The following XIRP2 variants were observed in gnomAD, a reference collection of about 807,000 sequenced individuals.
XIRP2 encodes the protein xin actin-binding repeat-containing protein 2.
Under a neutral mutation model 277.0 loss-of-function variants are expected in XIRP2, and 236 were observed. The ratio of observed to expected loss-of-function variants is 0.85; its 90% CI spans 0.77 to 0.95. XIRP2 has a LOEUF of 0.95. Among genes scored for constraint, XIRP2 ranks in the 40% least tolerant of loss-of-function variants. XIRP2 has a pLI of 0.00. For synonymous variants in XIRP2, 1,490 were observed against 1,416.5 expected, an observed-to-expected ratio of 1.05 and a Z score of -1.17; for missense variants, 4,640 against 4,157.5, an observed-to-expected ratio of 1.12 and a Z score of -3.19.
chr2:167,132,056 A>T (rs1258593770), intron 2 of XIRP2, among the ~76,000 whole-genome samples: 1 of 151,958 alleles, frequency 6.6e-6, no homozygotes. Context: ...GATTCAATCC[A>T]TGACCAAGCT....
chr2:167,168,856 C>T (rs1318938022), intron 3 of XIRP2, among the ~76,000 whole-genome samples: 6 of 152,104 alleles, frequency 3.9e-5, no homozygotes, highest in Non-Finnish European at 5.9e-5. Flanking sequence ...CCTCGTGATC[C>T]GCCTGCCTCA....
intron 2 of XIRP2, among the ~76,000 whole-genome samples, chr2:167,035,052 T>C (rs1043356268): frequency 6.6e-6 from 1 of 152,158 alleles, no homozygotes; most frequent in Non-Finnish European, 1.5e-5. Context: ...AAGTGTCTTT[T>C]GCCCTCCACC....
At chr2:167,078,853 A>T (rs1185670589) in intron 2 of XIRP2, among the ~76,000 whole-genome samples, 1 of 135,312 alleles carries the variant, frequency 7.4e-6, no homozygotes, top group Non-Finnish European at 1.7e-5. Flanking sequence ...AAAAAAAAAA[A>T]AGGAATGGCA....
At chr2:167,200,107 C>G (rs1219425001) in intron 3 of XIRP2, among the ~76,000 whole-genome samples, 1 of 152,168 alleles carries the variant, frequency 6.6e-6, no homozygotes, top group Admixed American at 6.5e-5. Flanking sequence ...CGTATTCAAA[C>G]TAACCAAACA....
chr2:167,154,974 G>A (rs906927159), intron 3 of XIRP2, among the ~76,000 whole-genome samples: 19 of 151,564 alleles, frequency 1.3e-4, no homozygotes, highest in African/African-American at 2.9e-4. Context: ...ACACCTCTAC[G>A]CAAATAAACT....
chr2:167,192,883 G>A (rs754357959), intron 3 of XIRP2, among the ~76,000 whole-genome samples: 11 of 152,156 alleles, frequency 7.2e-5, no homozygotes, highest in Non-Finnish European at 2.9e-5. Flanking sequence ...TGCTCAGAGC[G>A]AGCACAGAAC....
At chr2:166,999,610 C>T (rs1687312153) in intron 2 of XIRP2, among the ~76,000 whole-genome samples, 1 of 152,066 alleles carries the variant, frequency 6.6e-6, no homozygotes, top group Admixed American at 6.6e-5. Context: ...ATTCAAGGGC[C>T]AGTTCTGTCT....
At chr2:167,195,958 A>C (rs1383227806) in intron 3 of XIRP2, among the ~76,000 whole-genome samples, 1 of 152,050 alleles carries the variant, frequency 6.6e-6, no homozygotes, top group Non-Finnish European at 1.5e-5. Context: ...CTCTGCCCCC[A>C]ATTCTGGCTA....
At chr2:167,184,685 T>G (rs749351611) in intron 3 of XIRP2, 28 of 707,052 alleles carry the variant, frequency 4.0e-5, no homozygotes, top group Non-Finnish European at 7.3e-5. Context: ...CTGGGTCTCA[T>G]TGGTTTGGCT....
rs531868559 is a variant in XIRP2, at chr2:167,174,328, C to G, written c.563-36407C>G. On this transcript the variant is annotated intron_variant, in intron 3 of 10. Transcript: ENST00000409195. ...GTCTATTCAGGGATTCAACTTCTTC[C>G]TGGTTTAGTCTTGGGAGGGTGTATA... Among the ~76,000 whole-genome samples, 193 of 152,224 alleles carry G rather than the reference C, an allele frequency of 1.3e-3. 2 individuals are homozygous for G. Among genetic ancestry groups the G allele is most frequent in the South Asian group, 0.012 (57 of 4,824 alleles).
At chr2:167,092,075 G>A (rs1690164258) in intron 2 of XIRP2, among the ~76,000 whole-genome samples, 1 of 152,104 alleles carries the variant, frequency 6.6e-6, no homozygotes, top group Non-Finnish European at 1.5e-5. Flanking sequence ...AATGCCTTAA[G>A]TAACTTTTAA....
intron 1 of XIRP2, among the ~76,000 whole-genome samples, chr2:166,901,982 G>A (rs577185208): frequency 6.6e-6 from 1 of 152,052 alleles, no homozygotes; most frequent in African/African-American, 2.4e-5. Context: ...AGCTGGGAGT[G>A]GATTTAACAG....
At chr2:167,037,026 C>T (rs1688526148) in intron 2 of XIRP2, among the ~76,000 whole-genome samples, 1 of 152,130 alleles carries the variant, frequency 6.6e-6, no homozygotes, top group South Asian at 2.1e-4. Flanking sequence ...AGTTAAACCT[C>T]TTTTTTTCTT....
intron 3 of XIRP2, among the ~76,000 whole-genome samples, chr2:167,201,063 T>A (rs1038606416): frequency 1.3e-5 from 2 of 149,944 alleles, no homozygotes; most frequent in African/African-American, 4.9e-5. Flanking sequence ...GATGCAGAGG[T>A]TGCAGTGAGC....
intron 2 of XIRP2, among the ~76,000 whole-genome samples, chr2:167,008,832 A>G (rs1235377455): frequency 2.0e-5 from 3 of 151,504 alleles, no homozygotes; most frequent in Non-Finnish European, 4.4e-5. Context: ...TTTATATTTC[A>G]TATTTTCTTA....
intron 2 of XIRP2, among the ~76,000 whole-genome samples, chr2:166,984,303 G>C (rs919200707): frequency 6.6e-6 from 1 of 152,064 alleles, no homozygotes; most frequent in African/African-American, 2.4e-5. Flanking sequence ...GGATTATCTG[G>C]TTTATTTAAA....
intron 1 of XIRP2, among the ~76,000 whole-genome samples, chr2:166,902,758 G>C (rs764321503): frequency 6.6e-6 from 1 of 151,954 alleles, no homozygotes; most frequent in African/African-American, 2.4e-5. Flanking sequence ...AAACTCCACT[G>C]GTTAAGAGGG....
chr2:167,118,039 A>G (rs534966163), intron 2 of XIRP2, among the ~76,000 whole-genome samples: 10 of 152,178 alleles, frequency 6.6e-5, no homozygotes, highest in Admixed American at 3.3e-4. Flanking sequence ...TGGCTTTGGC[A>G]TACATATTTG....
chr2:167,052,438 A>G (rs752269496), intron 2 of XIRP2, among the ~76,000 whole-genome samples: 25 of 152,098 alleles, frequency 1.6e-4, no homozygotes, highest in Non-Finnish European at 2.9e-4. Flanking sequence ...AAATGAAGAC[A>G]GCTATTATAC....
Sources: gnomAD v4.1 joint callset for allele counts (sites outside exome capture counted in the v4.1 genomes callset) on GRCh38, gnomAD v4.1.1 for gene constraint, MANE v1.5 for transcripts, NCBI Gene and HGNC (gene_info 2026-07-23, HGNC 2026-07-21) for gene names.